The following CELF2 variants were observed in gnomAD, a reference collection of about 807,000 sequenced individuals.
CELF2 encodes the protein CUG triplet repeat RNA-binding protein 2.
CELF2 carries 8 observed loss-of-function variants against 62.6 expected under a neutral mutation model. The ratio of observed to expected loss-of-function variants is 0.13; its 90% CI spans 0.07 to 0.23. The LOEUF (loss-of-function observed/expected upper bound fraction) is 0.23. Ranked by LOEUF, CELF2 falls within the 10% of genes least tolerant of loss-of-function variation. CELF2 has a pLI of 1.00. For synonymous variants in CELF2, 258 were observed against 250.0 expected (o/e 1.03, Z -0.30); for missense variants, 333 against 671.0 (o/e 0.50, Z 5.56).
intron 1 of CELF2, among the ~76,000 whole-genome samples, chr10:11,124,221 C>T (rs2058284991): frequency 6.6e-6 from 1 of 152,164 alleles, no homozygotes. Flanking sequence ...ACAGCCAAAT[C>T]ATATCACTCT....
At chr10:10,596,521 C>A in the CELF2 span, among the ~76,000 whole-genome samples, 3 of 152,058 alleles carry the variant, frequency 2.0e-5, no homozygotes, top group Non-Finnish European at 2.9e-5. Context: ...GTTGCTACTG[C>A]AAAAACCATA....
the CELF2 span, among the ~76,000 whole-genome samples, chr10:10,631,999 C>T: frequency 5.8e-4 from 88 of 152,186 alleles, no homozygotes; most frequent in Non-Finnish European, 1.2e-3. Flanking sequence ...GAAAAATAAA[C>T]GAGAGGCCTG....
chr10:10,885,173 G>A (rs1013523291), intron 1 of CELF2, among the ~76,000 whole-genome samples: 3 of 151,890 alleles, frequency 2.0e-5, no homozygotes, highest in Non-Finnish European at 4.4e-5. Context: ...AACACGGTAG[G>A]TGGAGGTTGC....
chr10:10,878,501 T>TG (rs896597820), intron 1 of CELF2, among the ~76,000 whole-genome samples: 1 of 152,148 alleles, frequency 6.6e-6, no homozygotes, highest in African/African-American at 2.4e-5. Flanking sequence ...AGCCTGAGAT[T>TG]GGGGGGCTTC....
chr10:10,828,000 T>TAAAAAAAAAAAAAA (rs66721705), intron 1 of CELF2, among the ~76,000 whole-genome samples: 15 of 60,708 alleles, frequency 2.5e-4, no homozygotes, highest in East Asian at 5.3e-4. Flanking sequence ...AGGCTAGTCT[T>TAAAAAAAAAAAAAA]AAAAAAAAAA....
In CELF2 at chr10:11,319,440, C is replaced by T. The variant is rs369252494; in HGVS notation, c.1097-1749C>T. 2.6e-5 allele frequency among the ~76,000 whole-genome samples: 4 copies of T among 152,204 alleles called. No homozygotes were observed. Among genetic ancestry groups the T allele is most frequent in the African/African-American group, 7.2e-5 (3 of 41,516 alleles). ...GGAAGCACAGCGGCAGGGAGGTGGC[C>T]GCGATTTGCTGGTGTCCGAGGGATC... On this transcript the variant is annotated intron_variant, in intron 10 of 12. Transcript: ENST00000633077. This position sits in a 1 kb window ranked among gnomAD's most constrained non-coding sequence, Gnocchi z 4.4.
At chr10:10,767,424 G>T in the CELF2 span, among the ~76,000 whole-genome samples, 1 of 152,080 alleles carries the variant, frequency 6.6e-6, no homozygotes, top group African/African-American at 2.4e-5. Context: ...TGATACCAAT[G>T]CTCTCAGCCT....
chr10:10,545,463 T>C, the CELF2 span, among the ~76,000 whole-genome samples: 1 of 152,304 alleles, frequency 6.6e-6, no homozygotes, highest in East Asian at 1.9e-4. Context: ...CGTACATTTC[T>C]CTAAGCAAGG....
chr10:10,487,491 T>C, the CELF2 span, among the ~76,000 whole-genome samples: 1 of 152,216 alleles, frequency 6.6e-6, no homozygotes, highest in Non-Finnish European at 1.5e-5. Flanking sequence ...AGTATGTTTT[T>C]CTGCATTATT....
the CELF2 span, among the ~76,000 whole-genome samples, chr10:10,547,250 T>C: frequency 6.6e-6 from 1 of 152,138 alleles, no homozygotes; most frequent in Non-Finnish European, 1.5e-5. Flanking sequence ...TTCCTCACTA[T>C]TGTGCCCAAG....
chr10:11,233,142 A>G (rs1172478092), intron 3 of CELF2, among the ~76,000 whole-genome samples: 1 of 152,242 alleles, frequency 6.6e-6, no homozygotes, highest in Non-Finnish European at 1.5e-5. Flanking sequence ...CCAGCTGTTC[A>G]GGCCCAACAC....
chr10:10,720,277 G>A, the CELF2 span, among the ~76,000 whole-genome samples: 1 of 152,304 alleles, frequency 6.6e-6, no homozygotes, highest in East Asian at 1.9e-4. Context: ...AGAATATCAG[G>A]CAAAGGTAAA....
At chr10:10,483,234 A>C in the CELF2 span, among the ~76,000 whole-genome samples, 1 of 146,494 alleles carries the variant, frequency 6.8e-6, no homozygotes, top group Non-Finnish European at 1.5e-5. Context: ...AAAAAAAAAA[A>C]AGCATAGACT....
intron 2 of CELF2, among the ~76,000 whole-genome samples, chr10:10,996,881 T>G (rs1398950396): frequency 2.0e-5 from 3 of 152,202 alleles, no homozygotes; most frequent in Non-Finnish European, 2.9e-5. Context: ...CAGCTTATTC[T>G]CAGCAGAGTA....
At chr10:10,910,058 A>G (rs1020937366) in intron 1 of CELF2, among the ~76,000 whole-genome samples, 2 of 152,222 alleles carry the variant, frequency 1.3e-5, no homozygotes, top group African/African-American at 4.8e-5. Context: ...TTTGATCCAG[A>G]AATTATCAAG....
At chr10:10,943,158 A>G (rs575650972) in intron 2 of CELF2, among the ~76,000 whole-genome samples, 13 of 152,100 alleles carry the variant, frequency 8.5e-5, no homozygotes, top group Non-Finnish European at 1.8e-4. Context: ...GAGGGGACAG[A>G]TTTGGGGTTT....
upstream of CELF2, among the ~76,000 whole-genome samples, chr10:11,014,000 T>C (rs2137575047): frequency 6.6e-6 from 1 of 152,384 alleles, no homozygotes; most frequent in South Asian, 2.1e-4. The surrounding 1 kb of genome is among the most constrained non-coding windows in gnomAD (Gnocchi z 4.1). Context: ...TTAAAATTCA[T>C]GTGGATTTCA....
chr10:10,899,467 G>C (rs1240598892), intron 1 of CELF2, among the ~76,000 whole-genome samples: 1 of 152,134 alleles, frequency 6.6e-6, no homozygotes, highest in Non-Finnish European at 1.5e-5. Context: ...ACCTAGATCA[G>C]GGGTGAACAA....
chr10:10,463,426 C>G, the CELF2 span, among the ~76,000 whole-genome samples: 1 of 152,072 alleles, frequency 6.6e-6, no homozygotes, highest in Non-Finnish European at 1.5e-5. Context: ...AATGTGTGAC[C>G]GTTGGCTATA....
Sources: allele counts gnomAD v4.1 joint callset (sites outside exome capture counted in the v4.1 genomes callset), GRCh38; gene constraint gnomAD v4.1.1; non-coding constraint Gnocchi (gnomAD v3.1); transcripts MANE v1.5; gene names NCBI Gene and HGNC (gene_info 2026-07-23, HGNC 2026-07-21).